Variants in DIP2C observed in about 807,000 individuals in gnomAD.
DIP2C encodes DIP2 acetate--CoA ligase C (putative), also known as disco-interacting protein 2 homolog C.
A neutral mutation model predicts 192.4 loss-of-function variants in DIP2C; 33 were observed. The ratio of observed to expected loss-of-function variants is 0.17; its 90% CI spans 0.13 to 0.23. The LOEUF (loss-of-function observed/expected upper bound fraction) is 0.23. Ranked by LOEUF, DIP2C falls within the 10% of genes least tolerant of loss-of-function variation. DIP2C has a pLI of 1.00. For missense variants in DIP2C, 1,537 were observed against 2,110.1 expected, an observed-to-expected ratio of 0.73 and a Z score of 5.32; for synonymous variants, 979 against 864.1, an observed-to-expected ratio of 1.13 and a Z score of -2.33.
At chr10:382,087 G>A (rs537955067) in intron 17 of DIP2C, among the ~76,000 whole-genome samples, 1 of 152,312 alleles carries the variant, frequency 6.6e-6, no homozygotes, top group South Asian at 2.1e-4. Flanking sequence ...ACAGGAAGAG[G>A]TTTGGGCTTT....
intron 6 of DIP2C, among the ~76,000 whole-genome samples, 156 bp from the exon 7 acceptor site, chr10:416,044 G>A (rs953865910): frequency 6.6e-6 from 1 of 150,722 alleles, no homozygotes; most frequent in Admixed American, 6.7e-5. Context: ...CATGCTGTAC[G>A]GTAGCCCCGT....
chr10:568,467 C>CA (rs1390683389), intron 1 of DIP2C, among the ~76,000 whole-genome samples: 1 of 152,048 alleles, frequency 6.6e-6, no homozygotes, highest in Non-Finnish European at 1.5e-5. Flanking sequence ...AACAAGCTTT[C>CA]GGAAAAAACT....
chr10:497,367 C>T (rs1469912175), intron 1 of DIP2C, among the ~76,000 whole-genome samples: 1 of 152,204 alleles, frequency 6.6e-6, no homozygotes, highest in African/African-American at 2.4e-5. Context: ...TAACATTCAG[C>T]AGGCAGGGGA....
intron 29 of DIP2C, among the ~76,000 whole-genome samples, chr10:330,066 T>TC (rs1240688471): frequency 6.6e-6 from 1 of 152,186 alleles, no homozygotes; most frequent in African/African-American, 2.4e-5. Flanking sequence ...AAATATTGTC[T>TC]CCAGTGGCTT....
chr10:624,833 G>A (rs1041627981), intron 1 of DIP2C, among the ~76,000 whole-genome samples: 5 of 152,206 alleles, frequency 3.3e-5, no homozygotes, highest in African/African-American at 9.6e-5. Flanking sequence ...AGAAAACTAC[G>A]GAAGCTGTGA....
At chr10:589,964 C>CA (rs1205872413) in intron 1 of DIP2C, among the ~76,000 whole-genome samples, 1 of 152,188 alleles carries the variant, frequency 6.6e-6, no homozygotes, top group Non-Finnish European at 1.5e-5. Context: ...TTACATAAAT[C>CA]ACCGTATCAA....
chr10:502,313 G>T (rs1410468524), intron 1 of DIP2C, among the ~76,000 whole-genome samples: 1 of 152,104 alleles, frequency 6.6e-6, no homozygotes, highest in African/African-American at 2.4e-5. Flanking sequence ...AATGAGATTT[G>T]GGTGAACTAA....
At chr10:283,167 C>A in intron 35 of DIP2C, 105 bp downstream of exon 35, 2 of 1,460,264 alleles carry the variant, frequency 1.4e-6, no homozygotes, top group South Asian at 1.3e-5. Flanking sequence ...CACACGTGCC[C>A]TCCTGGCTTT....
chr10:414,739 G>GTGTGTGTGTGTGTATATATATA lies in DIP2C; in HGVS notation c.860-630_860-629insTATATATATACACACACACACA. On this transcript the variant is annotated intron_variant, in intron 7 of 36. Coordinates refer to ENST00000280886, the MANE Select transcript of DIP2C (RefSeq NM_014974.3). ...TGTGTGTGTGTGTGTGTGTGTGTGT[G>GTGTGTGTGTGTGTATATATATA]TACATATATATATATATAATGTGTA... 2.2e-4 allele frequency among the ~76,000 whole-genome samples: 20 copies of GTGTGTGTGTGTGTATATATATA among 90,508 alleles called. 1 individual carries two copies. Among genetic ancestry groups the GTGTGTGTGTGTGTATATATATA allele is most frequent in the South Asian group, 7.9e-4 (2 of 2,522 alleles). The allele number at this position is 90,508 out of a possible 152,430, so 59.4% of individuals were successfully genotyped here.
chr10:680,294 C>T (rs1251829102), intron 1 of DIP2C, among the ~76,000 whole-genome samples: 5 of 152,176 alleles, frequency 3.3e-5, no homozygotes, highest in East Asian at 1.9e-4. Context: ...AAATCCAACC[C>T]GCTCACACGC....
chr10:464,673 T>A (rs1336862222), intron 3 of DIP2C, among the ~76,000 whole-genome samples: 1 of 152,178 alleles, frequency 6.6e-6, no homozygotes, highest in Non-Finnish European at 1.5e-5. Flanking sequence ...TAAAGACACA[T>A]ACAAACGTAT....
chr10:302,555 A>G (rs974954338), intron 32 of DIP2C, among the ~76,000 whole-genome samples: 10 of 152,166 alleles, frequency 6.6e-5, no homozygotes, highest in Non-Finnish European at 1.2e-4. Flanking sequence ...ACTTAACGAC[A>G]AGGCAACATC....
At chr10:390,935 C>T (rs570687189) in intron 10 of DIP2C, 72 bp from the exon 11 acceptor site, 2 of 1,580,612 alleles carry the variant, frequency 1.3e-6, no homozygotes, top group Admixed American at 1.8e-5. Context: ...GCCCTCCCTC[C>T]AGCGTTCACA....
At chr10:428,251 G>A (rs1482861266) in intron 4 of DIP2C, among the ~76,000 whole-genome samples, 1 of 152,004 alleles carries the variant, frequency 6.6e-6, no homozygotes, top group African/African-American at 2.4e-5. Context: ...GATTTCTAGG[G>A]TCCTTTCTTT....
intron 6 of DIP2C, among the ~76,000 whole-genome samples, chr10:418,322 A>AC (rs1465755981): frequency 1.6e-4 from 23 of 144,326 alleles, no homozygotes; most frequent in African/African-American, 4.4e-4. Context: ...CTCCCTGTCC[A>AC]CTGTGCCTGT....
At chr10:586,146 T>C (rs1851007405) in intron 1 of DIP2C, among the ~76,000 whole-genome samples, 1 of 152,132 alleles carries the variant, frequency 6.6e-6, no homozygotes, top group Admixed American at 6.5e-5. Flanking sequence ...CATTCCACGT[T>C]TCCTTCTATT....
chr10:556,813 G>C (rs1370918608), intron 1 of DIP2C, among the ~76,000 whole-genome samples: 1 of 152,194 alleles, frequency 6.6e-6, no homozygotes, highest in Admixed American at 6.5e-5. Context: ...TGTGTGCCTT[G>C]AGTCACAGAG....
intron 1 of DIP2C, among the ~76,000 whole-genome samples, chr10:493,427 T>C (rs1844592412): frequency 6.6e-6 from 1 of 152,178 alleles, no homozygotes; most frequent in Non-Finnish European, 1.5e-5. Flanking sequence ...CAGTGGATGT[T>C]GTATTTACAT....
intron 1 of DIP2C, among the ~76,000 whole-genome samples, chr10:637,226 C>T (rs1854887353): frequency 6.6e-6 from 1 of 152,182 alleles, no homozygotes; most frequent in East Asian, 1.9e-4. Flanking sequence ...ATAGGCTGGG[C>T]GGGGGCTGAC....
Sources: gnomAD v4.1 joint callset for allele counts (sites outside exome capture counted in the v4.1 genomes callset) on GRCh38, gnomAD v4.1.1 for gene constraint, MANE v1.5 for transcripts, NCBI Gene and HGNC (gene_info 2026-07-23, HGNC 2026-07-21) for gene names.